Variants in LRP12 observed in about 807,000 individuals in gnomAD.
LRP12 encodes LDL receptor related protein 12.
Under a neutral mutation model 66.0 loss-of-function variants are expected in LRP12, and 14 were observed. The observed-to-expected ratio is 0.21, with a 90% CI of 0.14 to 0.33. LRP12 has a LOEUF of 0.33. LRP12 is among the 10% of genes least tolerant of loss of function. LRP12 has a pLI of 1.00. For synonymous variants in LRP12, 357 were observed against 359.1 expected (o/e 0.99, Z 0.07); for missense variants, 889 against 1,053.4 (o/e 0.84, Z 2.16).
At chr8:104,585,263 T>C (rs4609171) in intron 1 of LRP12, among the ~76,000 whole-genome samples, 36,547 of 152,166 alleles carry the variant, frequency 0.24, 4,465 homozygotes, top group Middle Eastern at 0.31. Context: ...GTTTCACTCG[T>C]CACCCAGGCT....
At chr8:104,541,749 A>G (rs1811480921) in intron 1 of LRP12, among the ~76,000 whole-genome samples, 1 of 152,192 alleles carries the variant, frequency 6.6e-6, no homozygotes, top group Admixed American at 6.5e-5. Context: ...AAATAAATGG[A>G]ATCATACAAT....
At chr8:104,505,399 C>CTTTTTTTTTTT (rs57277820) in intron 3 of LRP12, 1 of 103,348 alleles carries the variant, frequency 9.7e-6, no homozygotes, top group Admixed American at 1.0e-4. Context: ...TCCTTCTTTC[C>CTTTTTTTTTTT]TTTTTTTTTT....
intron 1 of LRP12, among the ~76,000 whole-genome samples, chr8:104,578,984 G>C (rs1812206504): frequency 6.6e-6 from 1 of 151,940 alleles, no homozygotes; most frequent in South Asian, 2.1e-4. Context: ...ATAATGAATG[G>C]GCAAAAGCTG....
intron 1 of LRP12, among the ~76,000 whole-genome samples, chr8:104,546,929 T>C (rs1482065061): frequency 1.4e-5 from 2 of 145,038 alleles, no homozygotes; most frequent in African/African-American, 5.0e-5. Flanking sequence ...TATATAATTA[T>C]ATATTATATT....
intron 3 of LRP12, among the ~76,000 whole-genome samples, chr8:104,503,921 C>T (rs973286006): frequency 2.0e-5 from 3 of 152,110 alleles, no homozygotes; most frequent in Non-Finnish European, 4.4e-5. Context: ...TTAACTTTGA[C>T]ATTAAATTTG....
At chr8:104,522,902 A>G (rs1391869061) in intron 2 of LRP12, among the ~76,000 whole-genome samples, 1 of 152,154 alleles carries the variant, frequency 6.6e-6, no homozygotes, top group Non-Finnish European at 1.5e-5. Flanking sequence ...TAATGGAAAC[A>G]TAATAAGAAA....
In LRP12 at chr8:104,498,017, T is replaced by A; in HGVS notation, c.535A>T (p.Ile179Leu). 6.2e-7 allele frequency: 1 copy of A among 1,613,746 alleles called. No individual in the cohort carries two copies. Among genetic ancestry groups the A allele is most frequent in the Non-Finnish European group, 8.5e-7 (1 of 1,179,810 alleles). Residue 179 changes from isoleucine to leucine, a missense_variant, in exon 5 of 7, where the codon ATA (isoleucine) becomes TTA (leucine). By Grantham distance (5) the Ile-to-Leu change is conservative (BLOSUM62 2). Coordinates refer to ENST00000276654, the MANE Select transcript of LRP12 (RefSeq NM_013437.5). ...TTATTACATTTCCAGGCTTCTGGTA[T>A]ACACTTTCCATTACCACAACGAAAC... is the stretch of plus-strand genomic sequence containing the variant. The part of the protein sequence containing the change: ...DQFRCGNGKC[I>L]PEAWKCNNMD...
At chr8:104,529,024 T>G (rs1811287835) in intron 2 of LRP12, among the ~76,000 whole-genome samples, 1 of 152,212 alleles carries the variant, frequency 6.6e-6, no homozygotes, top group African/African-American at 2.4e-5. Flanking sequence ...ACACATTTTG[T>G]TATGGCCTGA....
chr8:104,548,358 AT>A (rs1273537404), intron 1 of LRP12, among the ~76,000 whole-genome samples: 20 of 49,550 alleles, frequency 4.0e-4, no homozygotes, highest in South Asian at 3.1e-3. Flanking sequence ...TATATAATAT[AT>A]ATTATATAAA....
chr8:104,541,647 G>A (rs963418615), intron 1 of LRP12, among the ~76,000 whole-genome samples: 2 of 152,104 alleles, frequency 1.3e-5, no homozygotes, highest in Admixed American at 1.3e-4. Flanking sequence ...GTACCTATCA[G>A]CAGTTATTCC....
chr8:104,558,186 T>C (rs985953746), intron 1 of LRP12, among the ~76,000 whole-genome samples: 14 of 151,886 alleles, frequency 9.2e-5, no homozygotes, highest in Non-Finnish European at 2.1e-4. Context: ...CTCCAGCTTG[T>C]GTGACAGAGT....
chr8:104,547,378 T>A (rs1564141281), intron 1 of LRP12, among the ~76,000 whole-genome samples: 1 of 106,662 alleles, frequency 9.4e-6, no homozygotes, highest in Non-Finnish European at 1.8e-5. Flanking sequence ...TACAATTCTG[T>A]TATATTTTGT....
At position 104,589,041 on chromosome 8, in the gene LRP12, G is replaced by C. The variant is rs1258800929; in HGVS notation, c.-144C>G. ...CTGCGCTCTCCGCGGCTGCGGGAGG[G>C]GGAAGGGAGGGGCCGCCGCCGCCCG... On this transcript the variant is annotated 5_prime_UTR_variant, in exon 1 of 7. Transcript: ENST00000276654. 1.2e-5 allele frequency: 5 copies of C among 415,842 alleles called. No individual in the cohort carries two copies. The highest frequency in any genetic ancestry group is 2.0e-5 in the Non-Finnish European group (5 of 250,530). The allele number at this position is 415,842 out of a possible 1,614,324, so 25.8% of individuals were successfully genotyped here. A position where few individuals can be genotyped will look rare whatever the true frequency, so the allele number is the denominator to read the frequency against.
At position 104,569,042 on chromosome 8, in the gene LRP12, C is replaced by G. The variant is rs544255918; in HGVS notation, c.79+19777G>C. On this transcript the variant is annotated intron_variant, in intron 1 of 6. Coordinates refer to ENST00000276654, the MANE Select transcript of LRP12 (RefSeq NM_013437.5). Reference sequence around the variant, plus strand: ...ACTCAAATGTCTGTCAACTAATGAACAGATACACAAAGTAGAATATCCATA... The same window carrying G: ...ACTCAAATGTCTGTCAACTAATGAAGAGATACACAAAGTAGAATATCCATA... 8.9e-4 allele frequency among the ~76,000 whole-genome samples: 135 copies of G among 152,162 alleles called. No homozygotes were observed. In the Middle Eastern group the frequency reaches 0.01, roughly 12 times the overall value.
chr8:104,545,377 GAA>G (rs1811539171), intron 1 of LRP12, among the ~76,000 whole-genome samples: 1 of 152,184 alleles, frequency 6.6e-6, no homozygotes, highest in African/African-American at 2.4e-5. Flanking sequence ...AGCAGGGTTT[GAA>G]AAGACTGACC....
At chr8:104,567,181 T>C (rs773907011) in intron 1 of LRP12, among the ~76,000 whole-genome samples, 9 of 152,050 alleles carry the variant, frequency 5.9e-5, no homozygotes, top group Non-Finnish European at 1.3e-4. Context: ...GGAAGGTGTA[T>C]TAGTCTGTTT....
intron 3 of LRP12, among the ~76,000 whole-genome samples, chr8:104,501,988 A>C (rs1221555265): frequency 6.6e-6 from 1 of 152,088 alleles, no homozygotes; most frequent in Non-Finnish European, 1.5e-5. Context: ...ATTTATATAA[A>C]TTTTCGTGTT....
intron 1 of LRP12, among the ~76,000 whole-genome samples, chr8:104,546,526 C>T (rs1811559347): frequency 6.6e-6 from 1 of 152,048 alleles, no homozygotes; most frequent in South Asian, 2.1e-4. Flanking sequence ...AGAATAGATT[C>T]CATCGTCCCC....
At chr8:104,495,347 A>C in intron 5 of LRP12, 138 bp from the exon 6 acceptor site, 1 of 823,476 alleles carries the variant, frequency 1.2e-6, no homozygotes, top group South Asian at 1.8e-5. Flanking sequence ...ACAAACATTT[A>C]CTGAATATAT....
Sources: allele counts gnomAD v4.1 joint callset (sites outside exome capture counted in the v4.1 genomes callset), GRCh38; gene constraint gnomAD v4.1.1; transcripts MANE v1.5; gene names NCBI Gene and HGNC (gene_info 2026-07-23, HGNC 2026-07-21).